Variants in GPATCH11 observed in about 807,000 individuals in gnomAD.
GPATCH11 encodes the protein G-patch domain containing 11, also known as G patch domain-containing protein 11.
In GPATCH11, 32 loss-of-function variants were observed where a neutral mutation model predicts 44.8. That is an observed-to-expected ratio of 0.71 (90% CI 0.54 to 0.96). GPATCH11 has a LOEUF of 0.96. GPATCH11 is among the 40% of genes least tolerant of loss of function. GPATCH11 has a pLI of 0.00. For synonymous variants in GPATCH11, 84 were observed against 94.4 expected (o/e 0.89, Z 0.64); for missense variants, 324 against 303.1 (o/e 1.07, Z -0.51).
At chr2:37,086,924 T>C (rs1200000112) in intron 1 of GPATCH11, among the ~76,000 whole-genome samples, 1 of 152,128 alleles carries the variant, frequency 6.6e-6, no homozygotes, top group Non-Finnish European at 1.5e-5. Flanking sequence ...AATGCAGAAA[T>C]GTATTAGTCT....
intron 7 of GPATCH11, 119 bp downstream of exon 7, chr2:37,094,314 A>G (rs1673471503): frequency 1.5e-6 from 1 of 647,246 alleles, no homozygotes; most frequent in African/African-American, 1.8e-5. Context: ...GTTTAGCAGC[A>G]TCTCTGGCCC....
In GPATCH11 at chr2:37,089,710, C is replaced by G; in HGVS notation, c.130C>G (p.Gln44Glu). ...REARRKEEKQ[Q>E]EANLKNRQKS... ...AGCCCGTCGAAAAGAAGAAAAGCAA[C>G]AGGAAGCCAATTTGAAAAACAGGCA... The change falls in exon 3 of 9, where the codon CAG becomes GAG. Residue 44 changes from glutamine to glutamate, a missense_variant. By Grantham distance (29) the Gln-to-Glu change is conservative. Coordinates refer to ENST00000674370, the MANE Select transcript of GPATCH11 (RefSeq NM_174931.4). 3 of 1,551,454 alleles carry G rather than the reference C, an allele frequency of 1.9e-6. No homozygotes were observed. The highest frequency in any genetic ancestry group is 2.6e-6 in the Non-Finnish European group (3 of 1,146,958).
chr2:37,094,294 A>G (rs769536802), intron 7 of GPATCH11, 99 bp downstream of exon 7: 11 of 730,032 alleles, frequency 1.5e-5, no homozygotes, highest in Middle Eastern at 2.3e-4. Flanking sequence ...TGTCCTGTGC[A>G]TTGCAAGATG....
At chr2:37,093,090 G>C (rs895085896) in intron 6 of GPATCH11, among the ~76,000 whole-genome samples, 1 of 152,178 alleles carries the variant, frequency 6.6e-6, no homozygotes, top group African/African-American at 2.4e-5. Context: ...AGGTTGCATT[G>C]AGCTATGTTC....
At chr2:37,088,100 G>A (rs968185050) in intron 1 of GPATCH11, among the ~76,000 whole-genome samples, 6 of 152,172 alleles carry the variant, frequency 3.9e-5, no homozygotes, top group African/African-American at 1.2e-4. Flanking sequence ...GAGTTTTATG[G>A]AGGAAGACTT....
chr2:37,097,062 C>G lies in GPATCH11; in HGVS notation c.*799C>G, dbSNP rs1246605670. Reference sequence around the variant, plus strand: ...AAATCATGAGTTTTCATGACAATGTCTATATCCATTATATGTGATCTGTTG... The same window carrying G: ...AAATCATGAGTTTTCATGACAATGTGTATATCCATTATATGTGATCTGTTG... On this transcript the variant is annotated 3_prime_UTR_variant, in exon 9 of 9. Transcript: ENST00000674370. 6.6e-6 allele frequency: 1 copy of G among 152,130 alleles called. No homozygotes were observed. Among genetic ancestry groups the G allele is most frequent in the African/African-American group, 2.4e-5 (1 of 41,438 alleles). The allele number at this position is 152,130 out of a possible 1,614,324, so 9.4% of individuals were successfully genotyped here. A position where few individuals can be genotyped will look rare whatever the true frequency, so the allele number is the denominator to read the frequency against.
chr2:37,089,992 A>C (rs116397577), intron 3 of GPATCH11, 126 bp downstream of exon 3: 2 of 705,476 alleles, frequency 2.8e-6, no homozygotes, highest in Admixed American at 2.8e-5. Flanking sequence ...TTTTTAGTCT[A>C]TTATGTATTA....
Position 37,091,470 on chromosome 2 carries a change from C to T in GPATCH11, c.329-446C>T, listed in dbSNP as rs529535822. Among the ~76,000 whole-genome samples, 88 of 152,054 alleles carry T rather than the reference C, an allele frequency of 5.8e-4. 4 individuals are homozygous for T. In the South Asian group the frequency reaches 0.018, roughly 30 times the overall value. ...TGCTATTCAGGAGGCTGAGGCGGGACGATTCCTGGAGCCCACAAGTTCGAG... is the reference window on the plus strand; with the variant it reads ...TGCTATTCAGGAGGCTGAGGCGGGATGATTCCTGGAGCCCACAAGTTCGAG... On this transcript the variant is annotated intron_variant, in intron 4 of 8. Coordinates refer to ENST00000674370, the MANE Select transcript of GPATCH11 (RefSeq NM_174931.4).
chr2:37,094,329 C>G (rs895544384), intron 7 of GPATCH11, 134 bp downstream of exon 7: 5 of 589,352 alleles, frequency 8.5e-6, no homozygotes, highest in Non-Finnish European at 1.2e-5. Flanking sequence ...TGGCCCCTGC[C>G]CACCAGATAC....
chr2:37,091,269 A>G (rs899706510), intron 4 of GPATCH11, among the ~76,000 whole-genome samples: 7 of 151,646 alleles, frequency 4.6e-5, no homozygotes, highest in Non-Finnish European at 8.8e-5. Flanking sequence ...GATTGCAGTG[A>G]GCTAAGATTG....
intron 8 of GPATCH11, among the ~76,000 whole-genome samples, chr2:37,095,940 G>C (rs1415671607): frequency 1.3e-5 from 2 of 151,950 alleles, no homozygotes; most frequent in Non-Finnish European, 2.9e-5. Context: ...TCCATTGTAA[G>C]GATAGAAATG....
At chr2:37,095,542 T>G in intron 8 of GPATCH11, 24 bp downstream of exon 8, 1 of 1,556,712 alleles carries the variant, frequency 6.4e-7, no homozygotes. Context: ...TTTATGCTTT[T>G]TAAAAATAGA....
At chr2:37,088,284 G>T in intron 1 of GPATCH11, 85 bp from the exon 2 acceptor site, 1 of 584,894 alleles carries the variant, frequency 1.7e-6, no homozygotes, top group East Asian at 2.9e-5. Context: ...TAGAGCTCTA[G>T]AGACAGCTCA....
At chr2:37,085,094 G>C (rs766677998) in intron 1 of GPATCH11, among the ~76,000 whole-genome samples, 3 of 152,164 alleles carry the variant, frequency 2.0e-5, no homozygotes, top group Admixed American at 6.5e-5. Context: ...GTATCGCCTT[G>C]TGAAGTTTAT....
At chr2:37,087,703 G>A (rs145718926) in intron 1 of GPATCH11, among the ~76,000 whole-genome samples, 53 of 152,334 alleles carry the variant, frequency 3.5e-4, no homozygotes, top group Admixed American at 2.0e-3. Flanking sequence ...TCTGAAGGGA[G>A]GGTAGCCTTG....
chr2:37,092,465 G>A (rs905968659), intron 6 of GPATCH11, among the ~76,000 whole-genome samples: 5 of 136,622 alleles, frequency 3.7e-5, no homozygotes, highest in African/African-American at 1.3e-4. Flanking sequence ...TATATTTTAT[G>A]TATTTATATA....
Position 37,090,668 on chromosome 2 carries a change from C to T in GPATCH11, c.287-13C>T, listed in dbSNP as rs1673272831. The stretch of plus-strand genomic sequence containing the variant: ...AAAATTTTCTAAAATAGTTTGTATT[C>T]ATTCTCTTTAAGGGGGTGGTATTGT... On this transcript the variant is annotated splice_polypyrimidine_tract_variant and intron_variant, in intron 3 of 8. Coordinates refer to ENST00000674370, the MANE Select transcript of GPATCH11 (RefSeq NM_174931.4). The T allele has an allele frequency of 6.9e-7, 1 of 1,450,230 alleles. No homozygotes were observed. The highest frequency in any genetic ancestry group is 9.4e-7 in the Non-Finnish European group (1 of 1,059,848). The allele number at this position is 1,450,230 out of a possible 1,614,324, so 89.8% of individuals were successfully genotyped here.
intron 1 of GPATCH11, among the ~76,000 whole-genome samples, chr2:37,086,501 T>A (rs1236064045): frequency 6.6e-6 from 1 of 152,076 alleles, no homozygotes; most frequent in Non-Finnish European, 1.5e-5. Context: ...ACATTAAAAA[T>A]ATAAAAAACC....
intron 2 of GPATCH11, among the ~76,000 whole-genome samples, 181 bp downstream of exon 2, chr2:37,088,621 A>G (rs1456844492): frequency 6.6e-6 from 1 of 152,046 alleles, no homozygotes; most frequent in Non-Finnish European, 1.5e-5. Context: ...GGCTCAGGAG[A>G]TCCTCCCATC....
Sources: allele counts gnomAD v4.1 joint callset (sites outside exome capture counted in the v4.1 genomes callset), GRCh38; gene constraint gnomAD v4.1.1; transcripts MANE v1.5; gene names NCBI Gene and HGNC (gene_info 2026-07-23, HGNC 2026-07-21).